MCTP1: variants seen among roughly 807,000 people sequenced by gnomAD.
The protein encoded by MCTP1 is multiple C2 and transmembrane domain-containing protein 1.
MCTP1 carries 69 observed loss-of-function variants against 120.6 expected under a neutral mutation model. That is an observed-to-expected ratio of 0.57 (90% CI 0.47 to 0.70). The LOEUF (loss-of-function observed/expected upper bound fraction) is 0.70. Ranked by LOEUF, MCTP1 falls within the 30% of genes least tolerant of loss-of-function variation. MCTP1 has a pLI of 0.00. For missense variants in MCTP1, 1,203 were observed against 1,248.8 expected, an observed-to-expected ratio of 0.96 and a Z score of 0.55; for synonymous variants, 529 against 493.1, an observed-to-expected ratio of 1.07 and a Z score of -0.96.
chr5:95,065,312 GA>G (rs943124032), intron 1 of MCTP1, among the ~76,000 whole-genome samples: 4 of 149,048 alleles, frequency 2.7e-5, no homozygotes, highest in Non-Finnish European at 6.0e-5. Context: ...TGCAAGAAAA[GA>G]AAAAAAAACT....
At chr5:95,153,823 C>T (rs1483922435) in intron 1 of MCTP1, among the ~76,000 whole-genome samples, 2 of 152,144 alleles carry the variant, frequency 1.3e-5, no homozygotes, top group African/African-American at 4.8e-5. Flanking sequence ...TCTGAAGCCT[C>T]ATTAGGAGCA....
rs531023061 is a variant in MCTP1 at position 95,082,720 on chromosome 5, T to G, written c.721-65236A>C. On this transcript the variant is annotated intron_variant, in intron 1 of 22. Transcript: ENST00000515393. The stretch of plus-strand genomic sequence containing the variant: ...TATTTTATCATTTTGGTACTAGTGT[T>G]GGAGATCTAGTGTATGTTTTGCACT... Among the ~76,000 whole-genome samples, 81 of 152,298 alleles carry G rather than the reference T, an allele frequency of 5.3e-4. 1 individual carries two copies. In the South Asian group the frequency reaches 0.012, roughly 23 times the overall value.
chr5:95,023,215 A>G (rs1283776053), intron 1 of MCTP1, among the ~76,000 whole-genome samples: 1 of 152,168 alleles, frequency 6.6e-6, no homozygotes, highest in East Asian at 1.9e-4. Flanking sequence ...ACTGCCTTAC[A>G]TGTTTTATGC....
intron 5 of MCTP1, among the ~76,000 whole-genome samples, chr5:94,936,534 C>T (rs1816247144): frequency 6.6e-6 from 1 of 151,886 alleles, no homozygotes; most frequent in Admixed American, 6.6e-5. Context: ...GAGAAATAGC[C>T]ACAAGTCACT....
intron 1 of MCTP1, among the ~76,000 whole-genome samples, chr5:95,273,858 T>TA (rs1321189556): frequency 6.6e-6 from 1 of 152,068 alleles, no homozygotes; most frequent in Non-Finnish European, 1.5e-5. Context: ...AAGGGGAAAA[T>TA]ACGCTGTGAT....
intron 1 of MCTP1, among the ~76,000 whole-genome samples, chr5:95,269,436 C>G (rs1759181448): frequency 1.3e-5 from 2 of 152,178 alleles, no homozygotes; most frequent in Non-Finnish European, 2.9e-5. Flanking sequence ...ATAGAACTCA[C>G]AAGAAGAAAG....
intron 6 of MCTP1, 197 bp downstream of exon 6, chr5:94,931,756 A>G: frequency 1.7e-6 from 1 of 579,436 alleles, no homozygotes; most frequent in Non-Finnish European, 3.1e-6. Context: ...GAATAGTGAA[A>G]GGATGATTTG....
chr5:94,779,110 C>T lies in MCTP1; in HGVS notation c.2610G>A (p.Lys870=), dbSNP rs1377511334. The T allele has an allele frequency of 6.2e-6, 10 of 1,612,126 alleles. No individual in the cohort carries two copies. The South Asian group carries it at 1.1e-4, about 18-fold the overall frequency. The part of the protein sequence containing the change: ...DEEEEDDKDD[K]DSEKKGFINK... ...CCCAAGTGCTGGGAAAGATAATTAC[C>T]TTGTCATCTTTGTCATCTTCTTCTT... The change falls in exon 19 of 23, where the codon AAG becomes AAA. Residue 870 remains lysine (K), a splice_region_variant and synonymous_variant. Transcript: ENST00000515393.
intron 22 of MCTP1, 92 bp from the exon 23 acceptor site, chr5:94,707,659 G>A (rs1755021112): frequency 1.1e-6 from 1 of 894,826 alleles, no homozygotes; most frequent in Non-Finnish European, 1.9e-6. Flanking sequence ...GTGCTTGGGG[G>A]AAGAAAGTGC....
chr5:95,264,660 C>T (rs1393450252), intron 1 of MCTP1, among the ~76,000 whole-genome samples: 1 of 152,142 alleles, frequency 6.6e-6, no homozygotes, highest in Non-Finnish European at 1.5e-5. Context: ...CTTCTGGGTT[C>T]CAAAAGACAC....
chr5:94,751,029 C>T (rs114163670), intron 19 of MCTP1, among the ~76,000 whole-genome samples: 2,200 of 152,164 alleles, frequency 0.014, 32 homozygotes, highest in Middle Eastern at 0.024. Context: ...GCAACTGACC[C>T]AACAGTCCCC....
At chr5:94,960,574 G>GA (rs1314946350) in intron 2 of MCTP1, among the ~76,000 whole-genome samples, 2 of 151,876 alleles carry the variant, frequency 1.3e-5, no homozygotes, top group Non-Finnish European at 2.9e-5. Context: ...AAATTTAAGA[G>GA]AAAAAAACAA....
chr5:95,065,410 C>T (rs1750400453), intron 1 of MCTP1, among the ~76,000 whole-genome samples: 1 of 151,678 alleles, frequency 6.6e-6, no homozygotes, highest in Admixed American at 6.6e-5. Flanking sequence ...AATGATAAAA[C>T]AGTATGACCA....
At chr5:94,955,019 C>A (rs1371664336) in intron 2 of MCTP1, among the ~76,000 whole-genome samples, 1 of 152,194 alleles carries the variant, frequency 6.6e-6, no homozygotes, top group African/African-American at 2.4e-5. Flanking sequence ...TCCAGTGAGA[C>A]CAATGCAGAA....
chr5:95,237,680 T>C (rs951492193), intron 1 of MCTP1, among the ~76,000 whole-genome samples: 1 of 152,210 alleles, frequency 6.6e-6, no homozygotes, highest in Non-Finnish European at 1.5e-5. Flanking sequence ...ACTCCTTTGA[T>C]TCATTAATAA....
chr5:95,027,508 G>A (rs1839476734), intron 1 of MCTP1, among the ~76,000 whole-genome samples: 1 of 152,208 alleles, frequency 6.6e-6, no homozygotes, highest in African/African-American at 2.4e-5. Context: ...AAGGCCACGT[G>A]TAACCTCAAG....
At chr5:94,915,717 T>C (rs932685616) in intron 8 of MCTP1, among the ~76,000 whole-genome samples, 1 of 151,944 alleles carries the variant, frequency 6.6e-6, no homozygotes, top group African/African-American at 2.4e-5. Flanking sequence ...GCTTACAGAG[T>C]GAGGGAGAGA....
At chr5:94,915,232 G>A (rs1364170107) in intron 8 of MCTP1, among the ~76,000 whole-genome samples, 2 of 152,162 alleles carry the variant, frequency 1.3e-5, no homozygotes, top group Non-Finnish European at 2.9e-5. Flanking sequence ...TTTTACTGAT[G>A]GAACTCAGAG....
intron 1 of MCTP1, among the ~76,000 whole-genome samples, chr5:95,177,037 G>A (rs1450295390): frequency 6.7e-6 from 1 of 149,848 alleles, no homozygotes; most frequent in Non-Finnish European, 1.5e-5. Context: ...GCTAATTTGA[G>A]AGAGAGAGAG....
Sources: gnomAD v4.1 joint callset for allele counts (sites outside exome capture counted in the v4.1 genomes callset) on GRCh38, gnomAD v4.1.1 for gene constraint, MANE v1.5 for transcripts, NCBI Gene and HGNC (gene_info 2026-07-23, HGNC 2026-07-21) for gene names.